PPP1R1C: variants seen among roughly 807,000 people sequenced by gnomAD.
PPP1R1C encodes the protein protein phosphatase 1 regulatory subunit 1C.
A neutral mutation model predicts 17.4 loss-of-function variants in PPP1R1C; 15 were observed. The observed-to-expected ratio is 0.86, with a 90% confidence interval of 0.58 to 1.33. The LOEUF (loss-of-function observed/expected upper bound fraction) is 1.33. Ranked by LOEUF, PPP1R1C falls within the 40% of genes most tolerant of loss-of-function variation. PPP1R1C has a pLI of 0.00. For synonymous variants in PPP1R1C, 35 were observed against 43.1 expected, an observed-to-expected ratio of 0.81 and a Z score of 0.73; for missense variants, 143 against 130.0, an observed-to-expected ratio of 1.10 and a Z score of -0.48.
chr2:182,031,542 C>T (rs1347880771), intron 2 of PPP1R1C, among the ~76,000 whole-genome samples: 2 of 152,166 alleles, frequency 1.3e-5, no homozygotes, highest in African/African-American at 4.8e-5. Context: ...TCTTCAAACA[C>T]ATTTTTTAAA....
chr2:182,048,273 A>G (rs1687403433), intron 2 of PPP1R1C, among the ~76,000 whole-genome samples: 1 of 152,194 alleles, frequency 6.6e-6, no homozygotes, highest in Admixed American at 6.5e-5. Context: ...AAAGAAAAAC[A>G]CAACTGAAAC....
chr2:182,080,359 C>A (rs1361545713), intron 4 of PPP1R1C, among the ~76,000 whole-genome samples: 1 of 152,182 alleles, frequency 6.6e-6, no homozygotes, highest in Non-Finnish European at 1.5e-5. Flanking sequence ...CCCATTTGCT[C>A]AGATTCAAAG....
At chr2:181,968,915 A>T (rs1421909333) in intron 1 of PPP1R1C, among the ~76,000 whole-genome samples, 1 of 152,128 alleles carries the variant, frequency 6.6e-6, no homozygotes, top group Non-Finnish European at 1.5e-5. Flanking sequence ...TCATCTTACA[A>T]CACATTATTT....
At chr2:182,024,640 T>G (rs1326568359) in intron 2 of PPP1R1C, among the ~76,000 whole-genome samples, 1 of 152,120 alleles carries the variant, frequency 6.6e-6, no homozygotes, top group Non-Finnish European at 1.5e-5. Flanking sequence ...GCAGATTTCC[T>G]GAGCTCAGGA....
rs1157671291 is a variant in PPP1R1C at position 181,957,309 on chromosome 2, G to T, written n.111+2675G>T. On this transcript the variant is annotated intron_variant and non_coding_transcript_variant, in intron 1 of 5. Coordinates refer to the PPP1R1C transcript ENST00000464264. The surrounding 1 kb of genome is among the most constrained non-coding windows in gnomAD (Gnocchi z 4.2). ...GAGGTGGAGGTTGTGGTAAGCCGAG[G>T]TAGCGCCACTGCACTTCAACCTGGG... is the stretch of plus-strand genomic sequence containing the variant. Among the ~76,000 whole-genome samples, 1 of 152,056 alleles carries T rather than the reference G, an allele frequency of 6.6e-6. No homozygotes were observed. The highest frequency in any genetic ancestry group is 2.4e-5 in the African/African-American group (1 of 41,408).
chr2:182,028,492 G>T (rs1000725123), intron 2 of PPP1R1C, among the ~76,000 whole-genome samples: 3 of 152,168 alleles, frequency 2.0e-5, no homozygotes, highest in Non-Finnish European at 2.9e-5. Flanking sequence ...TCAGGAGCAG[G>T]TTCTTCAGTT....
intron 4 of PPP1R1C, among the ~76,000 whole-genome samples, chr2:182,116,434 C>T (rs373580840): frequency 6.6e-6 from 1 of 151,952 alleles, no homozygotes; most frequent in African/African-American, 2.4e-5. Flanking sequence ...CAAGCTGACA[C>T]GAGAAGGGTG....
At chr2:182,031,039 C>G (rs1686815136) in intron 2 of PPP1R1C, 1 of 153,638 alleles carries the variant, frequency 6.5e-6, no homozygotes, top group Non-Finnish European at 1.4e-5. Context: ...CTTGCGCTTC[C>G]CAAGTGAGGC....
At chr2:182,002,831 G>T (rs1039630666) in intron 2 of PPP1R1C, among the ~76,000 whole-genome samples, 4 of 150,628 alleles carry the variant, frequency 2.7e-5, no homozygotes, top group Non-Finnish European at 5.9e-5. Context: ...TTTGAAATTT[G>T]TGTTTATAAG....
At chr2:182,034,726 G>A (rs995942452) in intron 2 of PPP1R1C, among the ~76,000 whole-genome samples, 5 of 152,194 alleles carry the variant, frequency 3.3e-5, no homozygotes, top group African/African-American at 1.2e-4. Flanking sequence ...CAGGCCACAA[G>A]TAGATCCAGG....
intron 2 of PPP1R1C, among the ~76,000 whole-genome samples, chr2:181,975,459 TTCTC>T (rs980931228): frequency 2.0e-5 from 3 of 151,954 alleles, no homozygotes; most frequent in African/African-American, 7.2e-5. Flanking sequence ...ACTGTGTTTA[TTCTC>T]TCTCTTTTTT....
Position 181,985,874 on chromosome 2 carries a change from C to T in PPP1R1C, c.-237C>T. ...GCGTATTGTTCCTTTCTGTATTGTGCTGAGAGGATCCAAGGGATTGGTGGG... is the reference window on the plus strand; with the variant it reads ...GCGTATTGTTCCTTTCTGTATTGTGTTGAGAGGATCCAAGGGATTGGTGGG... On this transcript the variant is annotated 5_prime_UTR_variant, in exon 1 of 5. Transcript: ENST00000682840. The surrounding 1 kb of genome is among the most constrained non-coding windows in gnomAD (Gnocchi z 4.1). 1 of 583,450 alleles carries T rather than the reference C, an allele frequency of 1.7e-6. No homozygotes were observed. Among genetic ancestry groups the T allele is most frequent in the South Asian group, 2.0e-5 (1 of 49,168 alleles). 36.1% of individuals were successfully genotyped at this position (583,450 alleles called of 1,614,324 possible). A position where few individuals can be genotyped will look rare whatever the true frequency, so the allele number is the denominator to read the frequency against.
chr2:182,009,728 A>G (rs900608345), intron 2 of PPP1R1C, among the ~76,000 whole-genome samples: 1 of 151,974 alleles, frequency 6.6e-6, no homozygotes, highest in Non-Finnish European at 1.5e-5. Context: ...AGTTTCCCCA[A>G]TGTTTTCTCT....
chr2:182,007,128 T>C (rs1207268599), intron 2 of PPP1R1C, among the ~76,000 whole-genome samples: 2 of 152,204 alleles, frequency 1.3e-5, no homozygotes, highest in African/African-American at 4.8e-5. Flanking sequence ...GTCATGTCTT[T>C]AGAGTTTCAT....
intron 2 of PPP1R1C, among the ~76,000 whole-genome samples, chr2:182,031,344 A>G (rs1487787927): frequency 1.3e-5 from 2 of 152,272 alleles, no homozygotes; most frequent in Admixed American, 6.5e-5. Flanking sequence ...TTTCTTCACT[A>G]TAGTGGACTG....
intron 4 of PPP1R1C, among the ~76,000 whole-genome samples, chr2:182,095,995 T>TAAAAA (rs35074121): frequency 2.3e-5 from 3 of 131,536 alleles, no homozygotes; most frequent in Non-Finnish European, 3.4e-5. Flanking sequence ...AAAAAAACTC[T>TAAAAA]AAAAAAAAAA....
intron 4 of PPP1R1C, among the ~76,000 whole-genome samples, chr2:182,109,968 A>G (rs1278821183): frequency 6.6e-6 from 1 of 152,222 alleles, no homozygotes; most frequent in Non-Finnish European, 1.5e-5. Flanking sequence ...TTAATTCAAA[A>G]TAAGAAATGT....
chr2:182,124,123 AT>A (rs1357863409), intron 5 of PPP1R1C, among the ~76,000 whole-genome samples: 1 of 152,112 alleles, frequency 6.6e-6, no homozygotes, highest in Non-Finnish European at 1.5e-5. Flanking sequence ...TCCTTTCCAC[AT>A]TGCTTGTTTT....
intron 4 of PPP1R1C, among the ~76,000 whole-genome samples, chr2:182,109,612 C>A (rs541804161): frequency 6.6e-6 from 1 of 152,286 alleles, no homozygotes; most frequent in South Asian, 2.1e-4. Flanking sequence ...TGTCTTTGCT[C>A]CATTGTATTC....
Sources: allele counts gnomAD v4.1 joint callset (sites outside exome capture counted in the v4.1 genomes callset), GRCh38; gene constraint gnomAD v4.1.1; non-coding constraint Gnocchi (gnomAD v3.1); transcripts MANE v1.5; gene names NCBI Gene and HGNC (gene_info 2026-07-23, HGNC 2026-07-21).